The following GALK1 variants were observed in gnomAD, a reference collection of about 807,000 sequenced individuals.
GALK1 encodes the protein galactokinase.
GALK1 carries 30 observed loss-of-function variants against 38.6 expected under a neutral mutation model. The observed-to-expected ratio is 0.78, with a 90% CI of 0.58 to 1.05. The LOEUF (loss-of-function observed/expected upper bound fraction) is 1.05, where lower values mean the gene tolerates loss of function less well. Ranked by LOEUF, GALK1 falls within the 50% of genes least tolerant of loss-of-function variation. The pLI, the probability that GALK1 is intolerant of heterozygous loss-of-function variation, is 0.00. For missense variants in GALK1, 512 were observed against 540.5 expected (o/e 0.95, Z 0.52); for synonymous variants, 240 against 233.6 (o/e 1.03, Z -0.25).
At chr17:75,753,229 C>A (rs1381496088), downstream of GALK1, among the ~76,000 whole-genome samples, 2 of 152,256 alleles carry the variant, frequency 1.3e-5, no homozygotes, top group African/African-American at 4.8e-5. Flanking sequence ...CCCCGGTGAA[C>A]ACATACTGGC....
chr17:75,759,007 A>T (rs1463151348), intron 5 of GALK1, among the ~76,000 whole-genome samples: 1 of 152,142 alleles, frequency 6.6e-6, no homozygotes, highest in East Asian at 1.9e-4. Flanking sequence ...CTGAGGCTGG[A>T]GGGGTACCTG....
downstream of GALK1, chr17:75,755,319 C>A: frequency 8.2e-7 from 1 of 1,221,314 alleles, no homozygotes; most frequent in Non-Finnish European, 1.1e-6. Flanking sequence ...TCCATTCCAT[C>A]CACAGGACCC....
chr17:75,764,765 C>T (rs2061603510), intron 1 of GALK1: 1 of 643,380 alleles, frequency 1.6e-6, no homozygotes, highest in Non-Finnish European at 2.7e-6. Context: ...GGCCGCGCAC[C>T]CTCTCCCGGC....
chr17:75,756,961 G>A (rs376139144), downstream of GALK1: 69 of 1,612,536 alleles, frequency 4.3e-5, no homozygotes, highest in East Asian at 1.8e-4. Flanking sequence ...ACCGCATTCC[G>A]GGTGGATGGA....
chr17:75,757,744 T>C (rs1469888287), downstream of GALK1: 5 of 770,926 alleles, frequency 6.5e-6, no homozygotes, highest in Non-Finnish European at 1.1e-5. Context: ...CAAACCTATT[T>C]GTAACCAAAG....
rs771443754 is a variant in GALK1 at position 75,763,091 on chromosome 17, T to G, written c.534A>C (p.Ala178=). ...QVCQQAEHSF[A]GMPCGIMDQF... ...GGTCCATGATGCCACAGGGCATCCC[T>G]GCGAAGCTGTGCTCGGCCTGCTGAC... The change falls in exon 4 of 8, where the codon GCA becomes GCC. Residue 178 remains alanine (A), a synonymous_variant. Coordinates refer to ENST00000588479, the MANE Select transcript of GALK1 (RefSeq NM_000154.2). The G allele has an allele frequency of 6.2e-7, 1 of 1,612,642 alleles. No individual in the cohort carries two copies. The highest frequency in any genetic ancestry group is 8.5e-7 in the Non-Finnish European group (1 of 1,179,976).
chr17:75,763,131 G>A lies in GALK1; in HGVS notation c.494C>T (p.Ala165Val). Residue 165 changes from alanine (A) to valine (V), a missense_variant, in exon 4 of 8, where the codon GCC becomes GTC. Physicochemically the swap from Ala to Val is moderately conservative, Grantham distance 64. Coordinates refer to ENST00000588479, the MANE Select transcript of GALK1 (RefSeq NM_000154.2). ...QLCPDSGTIA[A>V]RAQVCQQAEH... The stretch of plus-strand genomic sequence containing the variant: ...GGCCTGCTGACACACCTGGGCGCGG[G>A]CAGCTATTGTGCCCGAGTCTGCAGT... The A allele has an allele frequency of 6.2e-7, 1 of 1,611,924 alleles. No individual in the cohort carries two copies. Among genetic ancestry groups the A allele is most frequent in the Non-Finnish European group, 8.5e-7 (1 of 1,180,000 alleles).
chr17:75,756,710 CCTTCA>C, downstream of GALK1: 2 of 1,613,472 alleles, frequency 1.2e-6, no homozygotes, highest in Non-Finnish European at 1.7e-6. Context: ...CCAGGCTCCG[CCTTCA>C]CTTTGAGCAC....
intron 5 of GALK1, 62 bp from the exon 6 acceptor site, chr17:75,758,661 G>C: frequency 6.5e-7 from 1 of 1,539,768 alleles, no homozygotes; most frequent in Non-Finnish European, 8.7e-7. Flanking sequence ...ACGCCTGTGA[G>C]GACCAGCAGG....
At chr17:75,758,662 G>A (rs944123957) in intron 5 of GALK1, 63 bp from the exon 6 acceptor site, 1 of 1,536,580 alleles carries the variant, frequency 6.5e-7, no homozygotes, top group Non-Finnish European at 8.7e-7. Context: ...CGCCTGTGAG[G>A]ACCAGCAGGC....
rs2061605503 is a variant in GALK1 at position 75,765,116 on chromosome 17, G to C, written c.21C>G (p.Pro7=). The change falls in exon 1 of 8, where the codon CCC becomes CCG. Residue 7 remains proline (P), a synonymous_variant. Coordinates refer to ENST00000588479, the MANE Select transcript of GALK1 (RefSeq NM_000154.2). MAALRQ[P]QVAELLAEAR... ...CCTCGGCCAGCAGCTCCGCGACCTG[G>C]GGCTGTCTCAAAGCAGCCATGACGC... 3.2e-6 allele frequency: 5 copies of C among 1,580,574 alleles called. No individual in the cohort carries two copies. The highest frequency in any genetic ancestry group is 4.3e-6 in the Non-Finnish European group (5 of 1,165,024).
At chr17:75,751,872 T>A in intron 8 of GALK1, 1 of 475,190 alleles carries the variant, frequency 2.1e-6, no homozygotes, top group South Asian at 2.0e-5. Context: ...ATGCGTGCCC[T>A]TGCCTTGTGT....
At position 75,763,877 on chromosome 17, in the gene GALK1, C is replaced by T; in HGVS notation, c.355+20G>A. Reference sequence around the variant, plus strand: ...ACTCCTAGTATCAGTGAGGACTTGGCTCAGGCCTGGGCCCCATACCTGGGT... The same window carrying T: ...ACTCCTAGTATCAGTGAGGACTTGGTTCAGGCCTGGGCCCCATACCTGGGT... On this transcript the variant is annotated intron_variant, in intron 2 of 7. Coordinates refer to ENST00000588479, the MANE Select transcript of GALK1 (RefSeq NM_000154.2). 3 of 1,612,082 alleles carry T rather than the reference C, an allele frequency of 1.9e-6. No individual in the cohort carries two copies. Among genetic ancestry groups the T allele is most frequent in the Non-Finnish European group, 2.5e-6 (3 of 1,178,968 alleles).
At chr17:75,756,293 C>T, downstream of GALK1, 4 of 893,464 alleles carry the variant, frequency 4.5e-6, no homozygotes, top group Non-Finnish European at 5.3e-6. Flanking sequence ...CCATACTGTA[C>T]CCAACCTGTA....
chr17:75,756,007 A>G (rs184826145), downstream of GALK1, among the ~76,000 whole-genome samples: 30 of 151,676 alleles, frequency 2.0e-4, no homozygotes, highest in African/African-American at 6.5e-4. Flanking sequence ...CCCATTCTCC[A>G]CCCCACTTCT....
chr17:75,752,525 C>T lies in GALK1; in HGVS notation c.*23-788G>A, dbSNP rs762937846. Reference sequence around the variant, plus strand: ...ACAGCTTCCTTATGTACAGCGATGACGTTCTACGCTCTCCATCGGGCAGCC... The same window carrying T: ...ACAGCTTCCTTATGTACAGCGATGATGTTCTACGCTCTCCATCGGGCAGCC... On this transcript the variant is annotated intron_variant, in intron 8 of 8. Coordinates refer to the GALK1 transcript ENST00000225614. The T allele has an allele frequency of 6.2e-6, 10 of 1,613,576 alleles. No homozygotes were observed. Among genetic ancestry groups the T allele is most frequent in the Admixed American group, 3.3e-5 (2 of 60,010 alleles).
rs1032767479 is a variant in GALK1, at chr17:75,765,182, C to A, written c.-46G>T. 1 of 1,393,048 alleles carries A rather than the reference C, an allele frequency of 7.2e-7. No homozygotes were observed. The highest frequency in any genetic ancestry group is 3.3e-5 in the Admixed American group (1 of 29,908). 86.3% of individuals were successfully genotyped at this position (1,393,048 alleles called of 1,614,324 possible). A position where few individuals can be genotyped will look rare whatever the true frequency, so the allele number is the denominator to read the frequency against. Reference sequence around the variant, plus strand: ...CACAGCTGCTCCGGCACAGCCCCGTCGGCGCGGGATGCTCGGGCGGGGCCC... The same window carrying A: ...CACAGCTGCTCCGGCACAGCCCCGTAGGCGCGGGATGCTCGGGCGGGGCCC... On this transcript the variant is annotated 5_prime_UTR_variant, in exon 1 of 8. Coordinates refer to ENST00000588479, the MANE Select transcript of GALK1 (RefSeq NM_000154.2).
At position 75,764,057 on chromosome 17, in the gene GALK1, GC is replaced by G; in HGVS notation, c.194del (p.Gly65AlafsTer49). 1 of 1,592,642 alleles carries G rather than the reference GC, an allele frequency of 6.3e-7. No individual in the cohort carries two copies. On this transcript the variant is annotated frameshift_variant, in exon 2 of 8. Coordinates refer to ENST00000588479, the MANE Select transcript of GALK1 (RefSeq NM_000154.2). LOFTEE classifies it high-confidence loss of function. ...ACACCAGCCCATCCTTGCGGGGGCT[GC>G]CCACCAGCACCGTCATGAGCTCCAG... is the stretch of plus-strand genomic sequence containing the variant. ...MALELMTVLVGSPRKDGLVSL... is the reference protein window; with the variant it reads ...MALELMTVLVXSPRKDGLVSL...
At chr17:75,757,062 G>A (rs762581242), downstream of GALK1, 8 of 1,612,840 alleles carry the variant, frequency 5.0e-6, no homozygotes, top group East Asian at 2.2e-5. Flanking sequence ...TGAGGGCTTC[G>A]GGCCAGAGCG....
Sources: allele counts gnomAD v4.1 joint callset (sites outside exome capture counted in the v4.1 genomes callset), GRCh38; gene constraint gnomAD v4.1.1; transcripts MANE v1.5; gene names NCBI Gene and HGNC (gene_info 2026-07-23, HGNC 2026-07-21).